Variants in FBRSL1 observed in about 807,000 individuals in gnomAD.
FBRSL1 encodes the protein fibrosin like 1, also known as fibrosin-1-like protein.
FBRSL1 carries 51 observed loss-of-function variants against 89.6 expected under a neutral mutation model. That is an observed-to-expected ratio of 0.57 (90% CI 0.45 to 0.72). The LOEUF (loss-of-function observed/expected upper bound fraction) is 0.72, where lower values mean the gene tolerates loss of function less well. FBRSL1 is among the 30% of genes least tolerant of loss of function. The pLI, the probability that FBRSL1 is intolerant of heterozygous loss-of-function variation, is 0.00. For missense variants in FBRSL1, 1,618 were observed against 1,451.8 expected (o/e 1.11, Z -1.86); for synonymous variants, 779 against 681.1 (o/e 1.14, Z -2.24).
At chr12:132,569,250 C>T (rs1292119322) in intron 6 of FBRSL1, among the ~76,000 whole-genome samples, 1 of 151,600 alleles carries the variant, frequency 6.6e-6, no homozygotes, top group Admixed American at 6.6e-5. Context: ...CAGAGGGGCC[C>T]ACAGGACCTG....
intron 4 of FBRSL1, among the ~76,000 whole-genome samples, chr12:132,529,362 C>T (rs938043510): frequency 1.3e-5 from 2 of 152,208 alleles, no homozygotes; most frequent in Non-Finnish European, 2.9e-5. Flanking sequence ...GCGGCGCGGC[C>T]ACAGGCCAGG....
intron 5 of FBRSL1, among the ~76,000 whole-genome samples, chr12:132,559,235 T>A (rs556679055): frequency 2.6e-4 from 40 of 152,302 alleles, no homozygotes; most frequent in African/African-American, 9.1e-4. Flanking sequence ...GCACAGCCGT[T>A]TGCAGCTACA....
At chr12:132,542,083 C>T (rs2037313695) in intron 4 of FBRSL1, among the ~76,000 whole-genome samples, 1 of 152,230 alleles carries the variant, frequency 6.6e-6, no homozygotes, top group African/African-American at 2.4e-5. Flanking sequence ...ATGCCACGTA[C>T]AGACATTGGG....
chr12:132,505,575 C>G (rs1422535706), intron 1 of FBRSL1, among the ~76,000 whole-genome samples: 2 of 152,226 alleles, frequency 1.3e-5, no homozygotes, highest in Non-Finnish European at 2.9e-5. Flanking sequence ...TGTATGGTCT[C>G]TGAGCTGCAC....
intron 4 of FBRSL1, among the ~76,000 whole-genome samples, chr12:132,535,308 C>T (rs2036616885): frequency 6.6e-6 from 1 of 152,210 alleles, no homozygotes; most frequent in Non-Finnish European, 1.5e-5. Flanking sequence ...CTGACACAGG[C>T]TCATTAATTA....
At chr12:132,509,844 C>T (rs2034127538) in intron 2 of FBRSL1, 2 of 1,231,980 alleles carry the variant, frequency 1.6e-6, no homozygotes, top group South Asian at 4.1e-5. Flanking sequence ...CCCGCGGCCA[C>T]TCCTCACCCT....
At chr12:132,558,147 T>C (rs1489359273) in intron 5 of FBRSL1, among the ~76,000 whole-genome samples, 1 of 151,948 alleles carries the variant, frequency 6.6e-6, no homozygotes, top group Non-Finnish European at 1.5e-5. Context: ...TGGCTGGCTT[T>C]GCCCAGGCCA....
At chr12:132,538,228 G>A (rs959545842) in intron 4 of FBRSL1, among the ~76,000 whole-genome samples, 1 of 152,180 alleles carries the variant, frequency 6.6e-6, no homozygotes, top group Non-Finnish European at 1.5e-5. Context: ...TTCTAACCAG[G>A]GCTCCAGCCC....
intron 1 of FBRSL1, among the ~76,000 whole-genome samples, chr12:132,505,873 G>A (rs1358401053): frequency 6.6e-6 from 1 of 152,270 alleles, no homozygotes; most frequent in Non-Finnish European, 1.5e-5. Context: ...GGTAGCAGGC[G>A]AAGCGCTGGC....
chr12:132,510,729 C>G, intron 2 of FBRSL1: 1 of 1,209,442 alleles, frequency 8.3e-7, no homozygotes, highest in Non-Finnish European at 1.0e-6. Flanking sequence ...TCCCTCTCCC[C>G]CCACTGGCGT....
intron 6 of FBRSL1, among the ~76,000 whole-genome samples, chr12:132,569,024 T>G (rs975518277): frequency 2.6e-5 from 4 of 152,042 alleles, no homozygotes; most frequent in African/African-American, 9.7e-5. Context: ...GCCGGGGACG[T>G]GAACAGGAGG....
intron 8 of FBRSL1, 67 bp downstream of exon 8, chr12:132,570,607 G>A: frequency 1.5e-6 from 2 of 1,339,770 alleles, no homozygotes; most frequent in South Asian, 1.5e-5. Flanking sequence ...GGCCACCGGG[G>A]AGGGGCGCAC....
Position 132,583,002 on chromosome 12 carries a change from C to G in FBRSL1, c.2233C>G (p.Arg745Gly). ...DLLEKTRLLSRASPATPAGHP... is the reference protein window; with the variant it reads ...DLLEKTRLLSGASPATPAGHP... ...CCTGGAGAAGACGCGCCTGCTGAGC[C>G]GGGCCTCGCCCGCCACCCCCGCTGG... is the stretch of plus-strand genomic sequence containing the variant. Residue 745 changes from arginine to glycine, a missense_variant, in exon 19 of 19, where the codon CGG becomes GGG. By Grantham distance (125) the Arg-to-Gly change is moderately radical. Coordinates refer to ENST00000680143, the MANE Select transcript of FBRSL1 (RefSeq NM_001367871.1). 1.4e-6 allele frequency: 2 copies of G among 1,453,360 alleles called. No homozygotes were observed. Among genetic ancestry groups the G allele is most frequent in the Non-Finnish European group, 1.8e-6 (2 of 1,110,454 alleles). The allele number at this position is 1,453,360 out of a possible 1,614,324, so 90.0% of individuals were successfully genotyped here.
At chr12:132,530,598 A>T (rs894227681) in intron 4 of FBRSL1, among the ~76,000 whole-genome samples, 11 of 151,764 alleles carry the variant, frequency 7.2e-5, no homozygotes, top group African/African-American at 2.7e-4. Context: ...TCCACTCATT[A>T]TTCAAGTCTT....
intron 5 of FBRSL1, chr12:132,552,368 CGGCTGGACA>C (rs1421449169): frequency 1.3e-5 from 2 of 156,836 alleles, no homozygotes; most frequent in African/African-American, 4.8e-5. Context: ...GACGGACGGA[CGGCTGGACA>C]GGCTGGAGGC....
Position 132,574,289 on chromosome 12 carries a change from G to A in FBRSL1, c.1600-30G>A, listed in dbSNP as rs986343529. On this transcript the variant is annotated intron_variant, in intron 12 of 18. Coordinates refer to ENST00000680143, the MANE Select transcript of FBRSL1 (RefSeq NM_001367871.1). ...CAGGACTCAGCCTCCTGAGGGGCCC[G>A]GACCTCACACTCCTTTCCTGTCTCC... is the stretch of plus-strand genomic sequence containing the variant. 95 of 1,511,836 alleles carry A rather than the reference G, an allele frequency of 6.3e-5. No homozygotes were observed. In the East Asian group the frequency reaches 1.4e-3, roughly 23 times the overall value. 93.7% of individuals were successfully genotyped at this position (1,511,836 alleles called of 1,614,324 possible). A position where few individuals can be genotyped will look rare whatever the true frequency, so the allele number is the denominator to read the frequency against.
chr12:132,513,757 GGGT>G (rs2034580740), intron 2 of FBRSL1, among the ~76,000 whole-genome samples: 1 of 152,174 alleles, frequency 6.6e-6, no homozygotes, highest in Non-Finnish European at 1.5e-5. Flanking sequence ...CCTGGAAGAT[GGGT>G]GACACTGAGA....
chr12:132,491,610 G>T (rs1056490694), intron 1 of FBRSL1, among the ~76,000 whole-genome samples: 1 of 152,214 alleles, frequency 6.6e-6, no homozygotes, highest in Non-Finnish European at 1.5e-5. Flanking sequence ...TCATCTGCTG[G>T]ACTTTGACTC....
rs2030598535 is a variant in FBRSL1, at chr12:132,490,167, T to C, written c.-404T>C. The C allele has an allele frequency of 6.8e-6, 1 of 147,662 alleles. No homozygotes were observed. The highest frequency in any genetic ancestry group is 1.5e-5 in the Non-Finnish European group (1 of 66,112). 9.1% of individuals were successfully genotyped at this position (147,662 alleles called of 1,614,324 possible). A position where few individuals can be genotyped will look rare whatever the true frequency, so the allele number is the denominator to read the frequency against. On this transcript the variant is annotated 5_prime_UTR_variant, in exon 1 of 19. Transcript: ENST00000680143. Reference sequence around the variant, plus strand: ...CGGAAGTGCGTCAGTTGTTATCTGTTCGGGGCGCCGCCGCCGCCTCACGAG... The same window carrying C: ...CGGAAGTGCGTCAGTTGTTATCTGTCCGGGGCGCCGCCGCCGCCTCACGAG...
Sources: gnomAD v4.1 joint callset for allele counts (sites outside exome capture counted in the v4.1 genomes callset) on GRCh38, gnomAD v4.1.1 for gene constraint, MANE v1.5 for transcripts, NCBI Gene and HGNC (gene_info 2026-07-23, HGNC 2026-07-21) for gene names.